The following SLC35F4 variants were observed in gnomAD, a reference collection of about 807,000 sequenced individuals.
SLC35F4 encodes the protein chromosome 14 open reading frame 36.
A neutral mutation model predicts 44.2 loss-of-function variants in SLC35F4; 24 were observed. That is an observed-to-expected ratio of 0.54 (90% CI 0.39 to 0.76). The LOEUF is 0.76. Ranked by LOEUF, SLC35F4 falls within the 30% of genes least tolerant of loss-of-function variation. SLC35F4 has a pLI of 0.00. For synonymous variants in SLC35F4, 238 were observed against 223.6 expected (o/e 1.06, Z -0.57); for missense variants, 562 against 586.1 (o/e 0.96, Z 0.42).
intron 1 of SLC35F4, among the ~76,000 whole-genome samples, chr14:57,738,538 C>T (rs1227580599): frequency 6.6e-6 from 1 of 151,966 alleles, no homozygotes; most frequent in East Asian, 1.9e-4. Flanking sequence ...TTCCCCATGA[C>T]TGCCCATGTT....
chr14:57,955,478 T>C (rs1450537785), intron 1 of SLC35F4, among the ~76,000 whole-genome samples: 1 of 152,148 alleles, frequency 6.6e-6, no homozygotes, highest in South Asian at 2.1e-4. Flanking sequence ...GGTATTCAAA[T>C]AGGAAGAGAG....
At chr14:57,752,952 A>C (rs2076919831) in intron 1 of SLC35F4, among the ~76,000 whole-genome samples, 1 of 152,194 alleles carries the variant, frequency 6.6e-6, no homozygotes, top group Non-Finnish European at 1.5e-5. Context: ...CTTAACGGGC[A>C]GTCATGTGAC....
intron 1 of SLC35F4, among the ~76,000 whole-genome samples, chr14:57,828,957 C>T (rs1479492601): frequency 6.6e-6 from 1 of 152,212 alleles, no homozygotes; most frequent in East Asian, 1.9e-4. Flanking sequence ...TTTTAAACAG[C>T]CATGCTCACT....
intron 1 of SLC35F4, among the ~76,000 whole-genome samples, chr14:57,745,491 C>T (rs546664172): frequency 6.6e-6 from 1 of 152,206 alleles, no homozygotes; most frequent in East Asian, 1.9e-4. Flanking sequence ...AAATGCTCAT[C>T]ATCACTGGCC....
intron 1 of SLC35F4, among the ~76,000 whole-genome samples, chr14:57,793,388 C>T (rs961010572): frequency 1.3e-5 from 2 of 151,952 alleles, no homozygotes; most frequent in Admixed American, 6.6e-5. Context: ...TATCCCTCAC[C>T]ACACTCTTAC....
intron 1 of SLC35F4, among the ~76,000 whole-genome samples, chr14:57,733,042 C>A (rs1036820672): frequency 3.3e-5 from 5 of 151,764 alleles, no homozygotes; most frequent in East Asian, 3.9e-4. Context: ...GAAAAAAAAA[C>A]CAGCCTCCAG....
At chr14:57,759,904 G>A (rs1388996761) in intron 1 of SLC35F4, among the ~76,000 whole-genome samples, 1 of 129,502 alleles carries the variant, frequency 7.7e-6, no homozygotes, top group Non-Finnish European at 1.7e-5. Context: ...TTTGCTTTTT[G>A]CTATCGAGTT....
intron 1 of SLC35F4, among the ~76,000 whole-genome samples, chr14:57,712,032 A>C (rs776302585): frequency 6.6e-6 from 1 of 152,206 alleles, no homozygotes; most frequent in Non-Finnish European, 1.5e-5. Flanking sequence ...ATAGCATGGC[A>C]TATGGAGGTT....
chr14:57,831,928 C>G (rs1884416599), intron 1 of SLC35F4, among the ~76,000 whole-genome samples: 1 of 152,190 alleles, frequency 6.6e-6, no homozygotes, highest in Non-Finnish European at 1.5e-5. Context: ...AAGTGTATAT[C>G]CGTGTCTTCA....
chr14:57,720,979 CATATATATATATATAT>C (rs3062932), intron 1 of SLC35F4, among the ~76,000 whole-genome samples: 8 of 49,804 alleles, frequency 1.6e-4, no homozygotes, highest in Non-Finnish European at 2.4e-4. Context: ...ATAAACTCCT[CATATATATATATATAT>C]ATATATATAT....
At chr14:57,826,049 T>A (rs557082230) in intron 1 of SLC35F4, among the ~76,000 whole-genome samples, 2 of 152,212 alleles carry the variant, frequency 1.3e-5, no homozygotes, top group Non-Finnish European at 2.9e-5. Context: ...TGAGCCCATA[T>A]AGCCAAGACA....
At chr14:57,763,234 C>A (rs904722548) in intron 1 of SLC35F4, among the ~76,000 whole-genome samples, 2 of 152,042 alleles carry the variant, frequency 1.3e-5, no homozygotes, top group African/African-American at 2.4e-5. Context: ...TTTGATGATG[C>A]TTTCTGCCAA....
At chr14:57,712,772 TA>T (rs1236670104) in intron 1 of SLC35F4, among the ~76,000 whole-genome samples, 1 of 152,250 alleles carries the variant, frequency 6.6e-6, no homozygotes. Flanking sequence ...TCCATAATTT[TA>T]AAAGAGCTTT....
At chr14:57,642,297 G>A (rs1486396381) in intron 1 of SLC35F4, among the ~76,000 whole-genome samples, 5 of 150,152 alleles carry the variant, frequency 3.3e-5, no homozygotes, top group African/African-American at 1.2e-4. Context: ...GAGAGCTAGT[G>A]AGAAAAAAAA....
intron 1 of SLC35F4, among the ~76,000 whole-genome samples, chr14:57,818,245 G>A (rs1882814353): frequency 6.6e-6 from 1 of 152,184 alleles, no homozygotes; most frequent in Non-Finnish European, 1.5e-5. Flanking sequence ...CAACAGTGAA[G>A]TAGGATTGAG....
intron 1 of SLC35F4, among the ~76,000 whole-genome samples, chr14:57,855,252 C>A (rs1886969160): frequency 6.6e-6 from 1 of 152,028 alleles, no homozygotes. Flanking sequence ...AACAGGCAAC[C>A]TACAGAATGG....
intron 1 of SLC35F4, among the ~76,000 whole-genome samples, chr14:57,646,507 T>C (rs950305618): frequency 6.6e-6 from 1 of 152,204 alleles, no homozygotes; most frequent in African/African-American, 2.4e-5. Context: ...ATTTGATTCT[T>C]CTGTCTTTTC....
chr14:57,937,589 A>AG (rs1491351142), intron 1 of SLC35F4, among the ~76,000 whole-genome samples: 547 of 14,638 alleles, frequency 0.037, 6 homozygotes, highest in African/African-American at 0.14. Flanking sequence ...AAGAAAAGAA[A>AG]GAAAAGAAAA....
At chr14:57,942,247 T>C (rs904191295) in intron 1 of SLC35F4, among the ~76,000 whole-genome samples, 6 of 152,166 alleles carry the variant, frequency 3.9e-5, no homozygotes, top group Non-Finnish European at 7.3e-5. Context: ...TTGTAACTTA[T>C]TGCAAGGGAG....
Sources: allele counts gnomAD v4.1 joint callset (sites outside exome capture counted in the v4.1 genomes callset), GRCh38; gene constraint gnomAD v4.1.1; transcripts MANE v1.5; gene names NCBI Gene and HGNC (gene_info 2026-07-23, HGNC 2026-07-21).